NEDD1: variants seen among roughly 807,000 people sequenced by gnomAD.
The protein encoded by NEDD1 is NEDD1 gamma-tubulin ring complex targeting factor.
A neutral mutation model predicts 74.0 loss-of-function variants in NEDD1; 33 were observed. The ratio of observed to expected loss-of-function variants is 0.45; its 90% confidence interval spans 0.34 to 0.60. The LOEUF is 0.60. NEDD1 is among the 20% of genes least tolerant of loss of function. The pLI, the probability that NEDD1 is intolerant of heterozygous loss-of-function variation, is 0.01. For missense variants in NEDD1, 746 were observed against 776.5 expected, an observed-to-expected ratio of 0.96 and a Z score of 0.47; for synonymous variants, 250 against 264.4, an observed-to-expected ratio of 0.95 and a Z score of 0.53.
At chr12:96,920,801 G>C (rs989898066) in intron 6 of NEDD1, among the ~76,000 whole-genome samples, 2 of 151,480 alleles carry the variant, frequency 1.3e-5, no homozygotes, top group Non-Finnish European at 2.9e-5. Flanking sequence ...AATCTCTTTG[G>C]CCATAACTAT....
intron 14 of NEDD1, among the ~76,000 whole-genome samples, chr12:96,949,180 A>T (rs968638660): frequency 6.6e-6 from 1 of 152,216 alleles, no homozygotes; most frequent in Non-Finnish European, 1.5e-5. Context: ...AACAGAGGTA[A>T]ATGAAGAGCT....
chr12:96,924,954 A>G, intron 6 of NEDD1: 1 of 413,826 alleles, frequency 2.4e-6, no homozygotes. Flanking sequence ...TTTGTTTTGT[A>G]GATATCCTTT....
At chr12:96,913,821 T>C (rs1300694200) in intron 4 of NEDD1, among the ~76,000 whole-genome samples, 1 of 152,128 alleles carries the variant, frequency 6.6e-6, no homozygotes, top group Non-Finnish European at 1.5e-5. Context: ...TTTTTTTTAA[T>C]TTCAAAGTTT....
At chr12:96,934,454 G>A (rs181680400) in intron 6 of NEDD1, among the ~76,000 whole-genome samples, 359 of 151,798 alleles carry the variant, frequency 2.4e-3, no homozygotes, top group African/African-American at 7.7e-3. Context: ...GAATGACACC[G>A]TGGTTGTCAT....
In NEDD1 at chr12:96,923,986, CTG is replaced by C. The variant is rs528622991; in HGVS notation, c.489+3865_489+3866del. Among the ~76,000 whole-genome samples the C allele has an allele frequency of 2.2e-4, 33 of 152,124 alleles. No homozygotes were observed. The South Asian group carries it at 6.4e-3, about 30-fold the overall frequency. On this transcript the variant is annotated intron_variant, in intron 6 of 15. Coordinates refer to ENST00000266742, the MANE Select transcript of NEDD1 (RefSeq NM_152905.4). ...GCCCCAAGATTTTGAAGATACTATT[CTG>C]TGTTTTCTTTTAGAAGCTTTGTTGT...
At chr12:96,950,644 C>A (rs1302169214) in intron 14 of NEDD1, among the ~76,000 whole-genome samples, 1 of 151,838 alleles carries the variant, frequency 6.6e-6, no homozygotes, top group Non-Finnish European at 1.5e-5. Context: ...AAAACATTGA[C>A]TACAGATTAT....
Position 96,912,925 on chromosome 12 carries a change from A to G in NEDD1, c.231+108A>G, listed in dbSNP as rs1433154229. On this transcript the variant is annotated intron_variant, in intron 4 of 15. Coordinates refer to ENST00000266742, the MANE Select transcript of NEDD1 (RefSeq NM_152905.4). ...AAATATAAAGGTTTTTAAAAGCATT[A>G]TTTTTAACTTAAGCTCAAAATAATA... 5 of 596,956 alleles carry G rather than the reference A, an allele frequency of 8.4e-6. No individual in the cohort carries two copies. In the South Asian group the frequency reaches 9.0e-5, roughly 11 times the overall value. The allele number at this position is 596,956 out of a possible 1,614,324, so 37.0% of individuals were successfully genotyped here.
intron 4 of NEDD1, 22 bp from the exon 5 acceptor site, chr12:96,917,599 T>C (rs767145481): frequency 3.6e-5 from 1 of 27,978 alleles, no homozygotes; most frequent in Non-Finnish European, 6.8e-5. Flanking sequence ...TTAAGGTAAC[T>C]TTTTTTTTTT....
At chr12:96,951,080 C>T (rs10777823) in intron 14 of NEDD1, among the ~76,000 whole-genome samples, 76,835 of 151,514 alleles carry the variant, frequency 0.51, 19,844 homozygotes, top group Non-Finnish European at 0.54. Flanking sequence ...AATATAGTAT[C>T]GGAGAGTTCA....
intron 6 of NEDD1, among the ~76,000 whole-genome samples, chr12:96,931,894 C>T (rs183420461): frequency 6.6e-6 from 1 of 152,102 alleles, no homozygotes; most frequent in East Asian, 1.9e-4. Flanking sequence ...GGTTTTTCTT[C>T]TTTGTGATAA....
intron 6 of NEDD1, among the ~76,000 whole-genome samples, chr12:96,928,896 TG>T (rs1480331358): frequency 6.6e-6 from 1 of 151,844 alleles, no homozygotes; most frequent in Non-Finnish European, 1.5e-5. Context: ...TTCACCACGT[TG>T]GCCAGGATGG....
chr12:96,940,364 T>G (rs748800957), intron 9 of NEDD1, 45 bp from the exon 10 acceptor site: 4 of 1,221,970 alleles, frequency 3.3e-6, no homozygotes, highest in Non-Finnish European at 3.5e-6. Context: ...TGATAAAATT[T>G]ATTTAGATGT....
At chr12:96,932,440 C>T (rs867538107) in intron 6 of NEDD1, among the ~76,000 whole-genome samples, 384 of 7,590 alleles carry the variant, frequency 0.051, 8 homozygotes, top group African/African-American at 0.21. Flanking sequence ...AATCCTGTCT[C>T]TTAAAAAAAA....
At chr12:96,950,509 T>TAA (rs755936932) in intron 14 of NEDD1, among the ~76,000 whole-genome samples, 39 of 151,894 alleles carry the variant, frequency 2.6e-4, no homozygotes, top group Non-Finnish European at 4.7e-4. Context: ...GGAAAATAGA[T>TAA]ACACCAGTAC....
Position 96,916,929 on chromosome 12 carries a change from C to T in NEDD1, c.232-692C>T, listed in dbSNP as rs370769829. On this transcript the variant is annotated intron_variant, in intron 4 of 15. Transcript: ENST00000266742. ...TAGTAGCTATAGATAAAGGGGAGCC[C>T]ATGTGGGATTCATTCTTGGGTTGGA... Among the ~76,000 whole-genome samples the T allele has an allele frequency of 3.4e-4, 51 of 152,160 alleles. No homozygotes were observed. In the South Asian group the frequency reaches 8.1e-3, roughly 24 times the overall value.
chr12:96,942,765 G>A (rs991555386), intron 11 of NEDD1, 141 bp downstream of exon 11: 2 of 589,006 alleles, frequency 3.4e-6, no homozygotes, highest in African/African-American at 3.8e-5. Context: ...TAAGAACTGA[G>A]CATGACTTGG....
At chr12:96,939,654 C>T (rs1485442810) in intron 9 of NEDD1, among the ~76,000 whole-genome samples, 2 of 151,952 alleles carry the variant, frequency 1.3e-5, no homozygotes, top group African/African-American at 2.4e-5. Flanking sequence ...CTAAAACTGT[C>T]GTTACTCCAG....
Position 96,941,500 on chromosome 12 carries a change from G to A in NEDD1, c.1246+963G>A, listed in dbSNP as rs367758655. Among the ~76,000 whole-genome samples, 59 of 152,194 alleles carry A rather than the reference G, an allele frequency of 3.9e-4. 1 individual carries two copies. In the South Asian group the frequency reaches 0.012, roughly 31 times the overall value. ...AAGGATTCTTTTCTTTCAGGATGAA[G>A]AGAAGTCGAACTACATCAAACTACA... is the stretch of plus-strand genomic sequence containing the variant. On this transcript the variant is annotated intron_variant, in intron 10 of 15. Transcript: ENST00000266742.
intron 6 of NEDD1, among the ~76,000 whole-genome samples, chr12:96,932,983 T>C (rs1876709497): frequency 6.6e-6 from 1 of 151,904 alleles, no homozygotes; most frequent in Non-Finnish European, 1.5e-5. Context: ...AGGGAACATT[T>C]ATCATTATCT....
Sources: gnomAD v4.1 joint callset for allele counts (sites outside exome capture counted in the v4.1 genomes callset) on GRCh38, gnomAD v4.1.1 for gene constraint, MANE v1.5 for transcripts, NCBI Gene and HGNC (gene_info 2026-07-23, HGNC 2026-07-21) for gene names.